Variants in CACNA1E observed in about 807,000 individuals in gnomAD.
CACNA1E encodes voltage-dependent R-type calcium channel subunit alpha-1E.
A neutral mutation model predicts 259.2 loss-of-function variants in CACNA1E; 40 were observed. The ratio of observed to expected loss-of-function variants is 0.15; its 90% CI spans 0.12 to 0.20. CACNA1E has a LOEUF of 0.20. Ranked by LOEUF, CACNA1E falls within the 10% of genes least tolerant of loss-of-function variation. The pLI is 1.00. For synonymous variants in CACNA1E, 1,104 were observed against 1,138.5 expected, an observed-to-expected ratio of 0.97 and a Z score of 0.61; for missense variants, 1,874 against 3,040.1, an observed-to-expected ratio of 0.62 and a Z score of 9.02.
chr1:181,736,218 G>T, intron 21 of CACNA1E, 57 bp from the exon 22 acceptor site: 1 of 1,529,858 alleles, frequency 6.5e-7, no homozygotes, highest in South Asian at 1.3e-5. Flanking sequence ...AAACACAAAT[G>T]GTGCCATTTT....
At chr1:181,709,247 G>A (rs1323291053) in intron 7 of CACNA1E, among the ~76,000 whole-genome samples, 2 of 152,198 alleles carry the variant, frequency 1.3e-5, no homozygotes, top group African/African-American at 4.8e-5. Context: ...CCCAGGGCTT[G>A]AATTCAGTTA....
At chr1:181,334,682 C>T (rs1180730231) in intron 1 of CACNA1E, among the ~76,000 whole-genome samples, 1 of 152,202 alleles carries the variant, frequency 6.6e-6, no homozygotes, top group African/African-American at 2.4e-5. Flanking sequence ...CTCACCACCT[C>T]CACTGCTACC....
At position 181,798,704 on chromosome 1, in the gene CACNA1E, C is replaced by T; in HGVS notation, c.6812C>T (p.Pro2271Leu). 1 of 1,609,128 alleles carries T rather than the reference C, an allele frequency of 6.2e-7. No homozygotes were observed. Among genetic ancestry groups the T allele is most frequent in the Middle Eastern group, 1.7e-4 (1 of 6,054 alleles). ...GRSNTIGSAPPLRHSWQMPNG... is the reference protein window; with the variant it reads ...GRSNTIGSAPLLRHSWQMPNG... The stretch of plus-strand genomic sequence containing the variant: ...TCCAACACCATCGGCTCAGCCCCAC[C>T]CCTGCGGCATAGCTGGCAGATGCCC... The change falls in exon 48 of 48, where the codon CCC becomes CTC. Residue 2271 changes from proline (P) to leucine (L), a missense_variant. Physicochemically the swap from Pro to Leu is moderately conservative, Grantham distance 98. This residue lies in a region of CACNA1E where 542 missense variants were observed against 587.2 expected (regional missense o/e 0.92). Coordinates refer to ENST00000367573, the MANE Select transcript of CACNA1E (RefSeq NM_001205293.3). This position sits in a 1 kb window ranked among gnomAD's most constrained non-coding sequence, Gnocchi z 4.2.
chr1:181,776,055 C>G lies in CACNA1E; in HGVS notation c.5140-46C>G, dbSNP rs2102795469. The G allele has an allele frequency of 6.4e-7, 1 of 1,573,106 alleles. No individual in the cohort carries two copies. Among genetic ancestry groups the G allele is most frequent in the Non-Finnish European group, 8.6e-7 (1 of 1,156,164 alleles). ...AGCCTGTTCTTCTGCTTCCTGAGCT[C>G]TGCTTTAGGTTTCCCCTAACCCCTC... On this transcript the variant is annotated intron_variant, in intron 37 of 47. Coordinates refer to ENST00000367573, the MANE Select transcript of CACNA1E (RefSeq NM_001205293.3). This position sits in a 1 kb window ranked among gnomAD's most constrained non-coding sequence, Gnocchi z 4.4.
intron 25 of CACNA1E, among the ~76,000 whole-genome samples, chr1:181,747,438 G>GA (rs976115612): frequency 1.5e-5 from 2 of 134,392 alleles, no homozygotes; most frequent in African/African-American, 5.6e-5. Flanking sequence ...GATGAAACAA[G>GA]AAAAATCTGT....
intron 11 of CACNA1E, 28 bp from the exon 12 acceptor site, chr1:181,718,027 A>T: frequency 8.6e-7 from 1 of 1,156,400 alleles, no homozygotes; most frequent in Non-Finnish European, 1.3e-6. Context: ...CACATGTGGA[A>T]CCAATGCTCT....
At chr1:181,334,879 T>G (rs1053165360) in intron 1 of CACNA1E, among the ~76,000 whole-genome samples, 3 of 152,168 alleles carry the variant, frequency 2.0e-5, no homozygotes, top group Non-Finnish European at 4.4e-5. Context: ...GTTAGAGCCT[T>G]AAAATGGCCT....
chr1:181,769,134 A>T (rs1223238940), intron 35 of CACNA1E, among the ~76,000 whole-genome samples: 1 of 152,134 alleles, frequency 6.6e-6, no homozygotes, highest in East Asian at 1.9e-4. Flanking sequence ...AAGTCACTGT[A>T]TCTCTCTTCA....
chr1:181,570,808 T>C (rs200177821), intron 3 of CACNA1E, among the ~76,000 whole-genome samples: 1 of 152,214 alleles, frequency 6.6e-6, no homozygotes, highest in East Asian at 1.9e-4. Context: ...ATAATCCAGG[T>C]TATTCTTTCC....
At chr1:181,529,214 C>A (rs945035229) in intron 3 of CACNA1E, among the ~76,000 whole-genome samples, 1 of 152,098 alleles carries the variant, frequency 6.6e-6, no homozygotes, top group Non-Finnish European at 1.5e-5. Flanking sequence ...GGTGGAAGCC[C>A]CAAGTCTTGG....
chr1:181,795,753 A>G (rs1020158130), intron 46 of CACNA1E, among the ~76,000 whole-genome samples: 32 of 108,268 alleles, frequency 3.0e-4, no homozygotes, highest in Non-Finnish European at 5.7e-4. Context: ...ATTTCTTTTA[A>G]GCTTTTTGCT....
At chr1:181,384,233 G>A (rs904096850) in intron 1 of CACNA1E, among the ~76,000 whole-genome samples, 31 of 152,214 alleles carry the variant, frequency 2.0e-4, no homozygotes, top group South Asian at 4.1e-4. Flanking sequence ...ACGGAGATGC[G>A]ATATCTATGC....
At chr1:181,367,340 T>A (rs1313261618) in intron 1 of CACNA1E, among the ~76,000 whole-genome samples, 1 of 152,012 alleles carries the variant, frequency 6.6e-6, no homozygotes, top group African/African-American at 2.4e-5. Context: ...TTTTTTTTCC[T>A]GTTTGGGTTC....
At chr1:181,357,520 T>G (rs1557938972) in intron 1 of CACNA1E, among the ~76,000 whole-genome samples, 1 of 152,202 alleles carries the variant, frequency 6.6e-6, no homozygotes, top group Non-Finnish European at 1.5e-5. Context: ...TATTTTTATT[T>G]GTTTCTTGTT....
At chr1:181,708,404 G>A (rs1558289777) in intron 7 of CACNA1E, among the ~76,000 whole-genome samples, 3 of 152,142 alleles carry the variant, frequency 2.0e-5, no homozygotes, top group South Asian at 4.1e-4. Flanking sequence ...GGCCACTTAA[G>A]TCACTTTAGA....
intron 2 of CACNA1E, among the ~76,000 whole-genome samples, chr1:181,429,799 C>T (rs1369831811): frequency 4.6e-5 from 7 of 152,176 alleles, no homozygotes; most frequent in Non-Finnish European, 1.0e-4. Flanking sequence ...TGTCTAGACC[C>T]CAACCCTCAA....
At chr1:181,474,142 C>CA (rs11410940) in intron 2 of CACNA1E, among the ~76,000 whole-genome samples, 84,610 of 151,966 alleles carry the variant, frequency 0.56, 24,888 homozygotes, top group African/African-American at 0.75. Flanking sequence ...ATTATTTAAA[C>CA]AAAGGAAAGT....
chr1:181,577,511 G>A (rs1651092815), intron 3 of CACNA1E, among the ~76,000 whole-genome samples: 1 of 152,188 alleles, frequency 6.6e-6, no homozygotes, highest in Admixed American at 6.5e-5. Flanking sequence ...TGGCCCTTGT[G>A]TTTTGCTTGG....
intron 1 of CACNA1E, among the ~76,000 whole-genome samples, chr1:181,507,179 C>T (rs1183863070): frequency 2.6e-5 from 4 of 152,204 alleles, no homozygotes; most frequent in East Asian, 1.9e-4. Context: ...AATTACCAAA[C>T]TCCCACCTTT....
Sources: gnomAD v4.1 joint callset for allele counts (sites outside exome capture counted in the v4.1 genomes callset) on GRCh38, gnomAD v4.1.1 for gene constraint, gnomAD v4.1.1 regional missense constraint, Gnocchi (gnomAD v3.1) non-coding constraint, MANE v1.5 for transcripts, NCBI Gene and HGNC (gene_info 2026-07-23, HGNC 2026-07-21) for gene names.